LHFPL2: variants seen among roughly 807,000 people sequenced by gnomAD.
LHFPL2 encodes LHFPL tetraspan subfamily member 2 protein.
Under a neutral mutation model 17.5 loss-of-function variants are expected in LHFPL2, and 7 were observed. The ratio of observed to expected loss-of-function variants is 0.40; its 90% CI spans 0.23 to 0.75. The LOEUF (loss-of-function observed/expected upper bound fraction) is 0.75. Among genes scored for constraint, LHFPL2 ranks in the 30% least tolerant of loss-of-function variants. The probability of loss-of-function intolerance (pLI) is 0.37; values close to 1 mark genes in which losing one functional copy is unlikely to be tolerated. For synonymous variants in LHFPL2, 134 were observed against 116.2 expected (o/e 1.15, Z -0.99); for missense variants, 241 against 294.8 (o/e 0.82, Z 1.34).
chr5:78,502,598 G>C (rs937343749), intron 4 of LHFPL2, among the ~76,000 whole-genome samples: 2 of 152,202 alleles, frequency 1.3e-5, no homozygotes, highest in Non-Finnish European at 2.9e-5. Flanking sequence ...ACGAAAGACA[G>C]AGCTCCTGCT....
chr5:78,546,568 A>G (rs1256427737), intron 3 of LHFPL2, among the ~76,000 whole-genome samples: 8 of 152,322 alleles, frequency 5.3e-5, no homozygotes, highest in East Asian at 1.9e-4. Context: ...TCCATAAATG[A>G]TATTTTTTAT....
chr5:78,506,975 C>T (rs1246980850), intron 4 of LHFPL2, among the ~76,000 whole-genome samples: 2 of 152,144 alleles, frequency 1.3e-5, no homozygotes, highest in Non-Finnish European at 2.9e-5. Flanking sequence ...CTCAGCAGTG[C>T]TCCCACTTCT....
chr5:78,587,974 C>T (rs1036673841), intron 2 of LHFPL2, among the ~76,000 whole-genome samples: 7 of 152,206 alleles, frequency 4.6e-5, no homozygotes, highest in Admixed American at 1.3e-4. Context: ...CCCCTCCCTC[C>T]GGTGGTTCCA....
At chr5:78,601,977 AC>A (rs1411545434) in intron 2 of LHFPL2, among the ~76,000 whole-genome samples, 2 of 152,160 alleles carry the variant, frequency 1.3e-5, no homozygotes, top group Non-Finnish European at 2.9e-5. Context: ...AAAATTAAAG[AC>A]TTTTAAAAAA....
chr5:78,639,758 T>C (rs1216592831), intron 1 of LHFPL2, among the ~76,000 whole-genome samples: 3 of 152,228 alleles, frequency 2.0e-5, no homozygotes, highest in African/African-American at 4.8e-5. Context: ...ACTGGTAAGT[T>C]TGTAATTCCC....
intron 2 of LHFPL2, among the ~76,000 whole-genome samples, chr5:78,619,200 A>C (rs1374096977): frequency 6.6e-6 from 1 of 151,868 alleles, no homozygotes; most frequent in Non-Finnish European, 1.5e-5. Context: ...TAATTCTTGT[A>C]TTTTTTTGTT....
At chr5:78,525,363 C>A (rs1020387046) in intron 3 of LHFPL2, among the ~76,000 whole-genome samples, 1 of 152,198 alleles carries the variant, frequency 6.6e-6, no homozygotes, top group Non-Finnish European at 1.5e-5. Context: ...ATGTAAAGTG[C>A]TTTGCATAAA....
intron 4 of LHFPL2, among the ~76,000 whole-genome samples, chr5:78,490,746 C>CAAAAAAAAAAAAAAAAAAAAAAAA (rs370809060): frequency 1.1e-5 from 1 of 92,174 alleles, no homozygotes; most frequent in African/African-American, 4.9e-5. Context: ...GACTCCCTCT[C>CAAAAAAAAAAAAAAAAAAAAAAAA]AAAAAAAAAA....
At chr5:78,511,779 T>C (rs1018525134) in intron 3 of LHFPL2, among the ~76,000 whole-genome samples, 6 of 152,220 alleles carry the variant, frequency 3.9e-5, no homozygotes, top group Non-Finnish European at 8.8e-5. Context: ...TTTAAAATCC[T>C]CATATCATGG....
chr5:78,491,106 T>G (rs1375350508), intron 4 of LHFPL2: 1 of 152,282 alleles, frequency 6.6e-6, no homozygotes, highest in Non-Finnish European at 1.5e-5. Context: ...GTGGTCTTCA[T>G]CCTGTGATGG....
intron 2 of LHFPL2, among the ~76,000 whole-genome samples, chr5:78,610,334 A>G (rs1248807707): frequency 6.6e-6 from 1 of 152,184 alleles, no homozygotes; most frequent in Non-Finnish European, 1.5e-5. Flanking sequence ...CTAAACGGAA[A>G]CGTCTTCACG....
chr5:78,527,373 T>C lies in LHFPL2; in HGVS notation c.-185-16975A>G, dbSNP rs575742765. 4.8e-4 allele frequency among the ~76,000 whole-genome samples: 72 copies of C among 150,146 alleles called. 1 individual carries two copies. In the South Asian group the frequency reaches 0.015, roughly 31 times the overall value. On this transcript the variant is annotated intron_variant, in intron 3 of 4. Coordinates refer to ENST00000380345, the MANE Select transcript of LHFPL2 (RefSeq NM_005779.3). ...TAATGCTGATGAGGAGTTTTTTTTTTTTTTTTTTTTTTTCCAAAAGTTCAA... is the reference window on the plus strand; with the variant it reads ...TAATGCTGATGAGGAGTTTTTTTTTCTTTTTTTTTTTTTCCAAAAGTTCAA...
At chr5:78,600,589 A>T (rs1209054639) in intron 2 of LHFPL2, among the ~76,000 whole-genome samples, 1 of 152,148 alleles carries the variant, frequency 6.6e-6, no homozygotes, top group Non-Finnish European at 1.5e-5. Context: ...TTAGCCAGGC[A>T]TGGTGGCACA....
At chr5:78,492,314 C>T (rs894979475) in intron 4 of LHFPL2, among the ~76,000 whole-genome samples, 1 of 152,230 alleles carries the variant, frequency 6.6e-6, no homozygotes, top group African/African-American at 2.4e-5. Context: ...GCACATTGCA[C>T]TTGTATTATA....
At chr5:78,544,691 C>T (rs1397335967) in intron 3 of LHFPL2, among the ~76,000 whole-genome samples, 1 of 151,914 alleles carries the variant, frequency 6.6e-6, no homozygotes, top group Non-Finnish European at 1.5e-5. Flanking sequence ...GTCAGGCCAC[C>T]TTGGTGGGAA....
At chr5:78,514,197 C>T (rs16876252) in intron 3 of LHFPL2, among the ~76,000 whole-genome samples, 7,669 of 149,078 alleles carry the variant, frequency 0.051, 365 homozygotes, top group East Asian at 0.25. Flanking sequence ...TGCCATTCTA[C>T]CTAAAAGACT....
chr5:78,644,299 CCTT>C, intron 1 of LHFPL2: 1 of 1,124,484 alleles, frequency 8.9e-7, no homozygotes, highest in Non-Finnish European at 1.3e-6. Flanking sequence ...TCCTCCTCTT[CCTT>C]CTTTTTCTTG....
At chr5:78,607,388 C>T (rs1483703635) in intron 2 of LHFPL2, among the ~76,000 whole-genome samples, 12 of 152,236 alleles carry the variant, frequency 7.9e-5, no homozygotes, top group Admixed American at 6.5e-4. Flanking sequence ...GCTGGGATTA[C>T]AGGCATGAGC....
At chr5:78,597,820 CATCATATGCACTGA>C (rs1306581747) in intron 2 of LHFPL2, among the ~76,000 whole-genome samples, 1 of 152,156 alleles carries the variant, frequency 6.6e-6, no homozygotes, top group Non-Finnish European at 1.5e-5. Flanking sequence ...GAATTCAGTG[CATCATATGCACTGA>C]ATTAGTATCT....
Sources: allele counts gnomAD v4.1 joint callset (sites outside exome capture counted in the v4.1 genomes callset), GRCh38; gene constraint gnomAD v4.1.1; transcripts MANE v1.5; gene names NCBI Gene and HGNC (gene_info 2026-07-23, HGNC 2026-07-21).